IL33: variants seen among roughly 807,000 people sequenced by gnomAD.
The protein encoded by IL33 is interleukin-33.
A neutral mutation model predicts 27.3 loss-of-function variants in IL33; 37 were observed. That is an observed-to-expected ratio of 1.36 (90% CI 1.04 to 1.78). The LOEUF is 1.78. IL33 is among the 40% of genes most tolerant of loss of function. IL33 has a pLI of 0.00. For synonymous variants in IL33, 132 were observed against 102.9 expected (o/e 1.28, Z -1.71); for missense variants, 406 against 311.4 (o/e 1.30, Z -2.29).
At position 6,257,323 on chromosome 9, in the gene IL33, T is replaced by C. The variant is rs1393823219; in HGVS notation, c.*1155T>C. ...AATATTCATTTGACATCTGTCTCTT[T>C]TCATTTCTTTTAACTACCATGCCCT... On this transcript the variant is annotated 3_prime_UTR_variant, in exon 8 of 8. Coordinates refer to ENST00000682010, the MANE Select transcript of IL33 (RefSeq NM_033439.4). The C allele has an allele frequency of 1.3e-5, 2 of 152,362 alleles. No individual in the cohort carries two copies. The highest frequency in any genetic ancestry group is 4.8e-5 in the African/African-American group (2 of 41,448). The allele number at this position is 152,362 out of a possible 1,614,324, so 9.4% of individuals were successfully genotyped here. A position where few individuals can be genotyped will look rare whatever the true frequency, so the allele number is the denominator to read the frequency against.
chr9:6,248,008 C>A (rs986277154), intron 2 of IL33, among the ~76,000 whole-genome samples: 2 of 152,030 alleles, frequency 1.3e-5, no homozygotes, highest in East Asian at 1.9e-4. Flanking sequence ...CTGTTCCCCC[C>A]AGAGTCCACA....
chr9:6,251,383 T>C (rs1816348208), intron 4 of IL33, 118 bp downstream of exon 4: 10 of 1,470,456 alleles, frequency 6.8e-6, no homozygotes, highest in Middle Eastern at 2.3e-4. Context: ...ACCAGAAACT[T>C]CTGCCCATTT....
chr9:6,248,727 A>G (rs192958904), intron 2 of IL33, among the ~76,000 whole-genome samples: 1 of 151,672 alleles, frequency 6.6e-6, no homozygotes, highest in Non-Finnish European at 1.5e-5. Flanking sequence ...GGAGCAGGCC[A>G]CCATGCCCAG....
rs148943384 is a variant in IL33 at position 6,254,467 on chromosome 9, G to A, written c.526G>A (p.Gly176Ser). 2.0e-5 allele frequency: 32 copies of A among 1,571,338 alleles called. No homozygotes were observed. Among genetic ancestry groups the A allele is most frequent in the Admixed American group, 3.5e-5 (2 of 56,588 alleles). Reference sequence around the variant, plus strand: ...TATACTTTCTTAATTGTAAGGTGACGGTGTTGATGGTAAGATGTTAATGGT... The same window carrying A: ...TATACTTTCTTAATTGTAAGGTGACAGTGTTGATGGTAAGATGTTAATGGT... The part of the protein sequence containing the change: ...SQHPSNESGD[G>S]VDGKMLMVTL... Residue 176 changes from glycine (G) to serine (S), a missense_variant, in exon 7 of 8, where the codon GGT (glycine) becomes AGT (serine). Physicochemically the swap from Gly to Ser is moderately conservative, Grantham distance 56. Coordinates refer to ENST00000682010, the MANE Select transcript of IL33 (RefSeq NM_033439.4).
At chr9:6,241,498 A>C (rs887479860) in intron 1 of IL33, among the ~76,000 whole-genome samples, 186 bp from the exon 2 acceptor site, 2 of 152,206 alleles carry the variant, frequency 1.3e-5, no homozygotes, top group Admixed American at 6.5e-5. Context: ...CCAAAGCCTC[A>C]TTATGCAGTG....
chr9:6,250,437 G>A, intron 2 of IL33, 37 bp from the exon 3 acceptor site: 1 of 1,604,680 alleles, frequency 6.2e-7, no homozygotes, highest in South Asian at 1.1e-5. Context: ...AAAGATGAAT[G>A]GAATGAAACA....
At position 6,253,548 on chromosome 9, in the gene IL33, T is replaced by C; in HGVS notation, c.470-4T>C. 6.3e-7 allele frequency: 1 copy of C among 1,598,290 alleles called. No homozygotes were observed. The highest frequency in any genetic ancestry group is 1.1e-5 in the South Asian group (1 of 88,572). On this transcript the variant is annotated splice_polypyrimidine_tract_variant and splice_region_variant and intron_variant, in intron 5 of 7. Transcript: ENST00000682010. ...CCAGAGGGATTTTATGCATTCTCTT[T>C]CAGATAAGGTGTTACTGAGTTACTA...
At chr9:6,232,481 C>G (rs1316342366) in intron 1 of IL33, among the ~76,000 whole-genome samples, 1 of 152,110 alleles carries the variant, frequency 6.6e-6, no homozygotes, top group South Asian at 2.1e-4. Flanking sequence ...TATGTCATTT[C>G]CTCTGGGATG....
intron 1 of IL33, among the ~76,000 whole-genome samples, chr9:6,237,552 GGT>G (rs1176222861): frequency 4.6e-5 from 7 of 152,020 alleles, no homozygotes; most frequent in African/African-American, 7.3e-5. Flanking sequence ...AGTCCATGAG[GGT>G]GATAAGACGG....
intron 4 of IL33, 137 bp from the exon 5 acceptor site, chr9:6,252,729 G>T: frequency 1.0e-6 from 1 of 963,336 alleles, no homozygotes; most frequent in African/African-American, 1.7e-5. Flanking sequence ...TGTAAAACTT[G>T]TATCAAAGGC....
chr9:6,217,967 C>T (rs988229633), intron 1 of IL33, among the ~76,000 whole-genome samples: 4 of 152,102 alleles, frequency 2.6e-5, no homozygotes, highest in African/African-American at 9.7e-5. Flanking sequence ...AACAGTCTTA[C>T]TTATTGCTTC....
At chr9:6,215,255 TA>T (rs1170135309), upstream of IL33, among the ~76,000 whole-genome samples, 1 of 152,214 alleles carries the variant, frequency 6.6e-6, no homozygotes, top group East Asian at 1.9e-4. Flanking sequence ...GCTTTTGTGA[TA>T]AAGTATTATC....
At chr9:6,237,689 T>C (rs545967732) in intron 1 of IL33, among the ~76,000 whole-genome samples, 1 of 152,342 alleles carries the variant, frequency 6.6e-6, no homozygotes, top group Admixed American at 6.5e-5. Context: ...CTCCTAGAGA[T>C]AGAATGTAGA....
intron 5 of IL33, 97 bp downstream of exon 5, chr9:6,253,088 G>C: frequency 1.1e-6 from 1 of 869,684 alleles, no homozygotes; most frequent in Non-Finnish European, 1.7e-6. Context: ...GATTAACTTA[G>C]ACATGGCAAA....
intron 1 of IL33, among the ~76,000 whole-genome samples, chr9:6,230,641 C>A (rs1818883023): frequency 6.6e-6 from 1 of 152,130 alleles, no homozygotes. Context: ...TAGTCATAAT[C>A]CCCATTTCCT....
Position 6,226,532 on chromosome 9 carries a change from C to T in IL33, c.-12+10680C>T, listed in dbSNP as rs2130139279. 2.0e-5 allele frequency among the ~76,000 whole-genome samples: 3 copies of T among 152,258 alleles called. No individual in the cohort carries two copies. The South Asian group carries it at 6.2e-4, about 32-fold the overall frequency. On this transcript the variant is annotated intron_variant, in intron 1 of 7. Transcript: ENST00000682010. ...TTTCATATTTTCCACCTCCAAGTAT[C>T]TCTGGATTGTATTCTAAGGAATACT...
chr9:6,246,405 T>C (rs1027256255), intron 2 of IL33, among the ~76,000 whole-genome samples: 1 of 151,536 alleles, frequency 6.6e-6, no homozygotes, highest in African/African-American at 2.4e-5. Context: ...CTACTAAAAA[T>C]ACAAAAATTA....
intron 1 of IL33, among the ~76,000 whole-genome samples, chr9:6,238,062 T>C (rs1344733491): frequency 1.3e-5 from 2 of 152,066 alleles, no homozygotes; most frequent in African/African-American, 4.8e-5. Context: ...AAAGGCTGAG[T>C]GTTTGGAGTT....
intron 4 of IL33, 84 bp from the exon 5 acceptor site, chr9:6,252,782 G>T: frequency 6.5e-7 from 1 of 1,528,754 alleles, no homozygotes; most frequent in Non-Finnish European, 8.9e-7. Context: ...AACTCAAATT[G>T]CAAAAATGTT....
Sources: allele counts gnomAD v4.1 joint callset (sites outside exome capture counted in the v4.1 genomes callset), GRCh38; gene constraint gnomAD v4.1.1; transcripts MANE v1.5; gene names NCBI Gene and HGNC (gene_info 2026-07-23, HGNC 2026-07-21).